PDE12: variants seen among roughly 807,000 people sequenced by gnomAD.
The protein encoded by PDE12 is phosphodiesterase 12.
Under a neutral mutation model 45.4 loss-of-function variants are expected in PDE12, and 26 were observed. That is an observed-to-expected ratio of 0.57 (90% CI 0.42 to 0.79). The LOEUF (loss-of-function observed/expected upper bound fraction) is 0.79. Among genes scored for constraint, PDE12 ranks in the 30% least tolerant of loss-of-function variants. PDE12 has a pLI of 0.00. For synonymous variants in PDE12, 283 were observed against 323.9 expected (o/e 0.87, Z 1.36); for missense variants, 668 against 790.0 (o/e 0.85, Z 1.85).
chr3:57,589,105 A>C, the PDE12 span, among the ~76,000 whole-genome samples: 4 of 149,284 alleles, frequency 2.7e-5, 1 homozygote, highest in South Asian at 8.4e-4. Flanking sequence ...TCCGTCTCAA[A>C]AAAAAAAAAA....
At chr3:57,624,601 TA>T in the PDE12 span, among the ~76,000 whole-genome samples, 4 of 151,526 alleles carry the variant, frequency 2.6e-5, no homozygotes, top group Admixed American at 1.3e-4. Flanking sequence ...CCGTCTCTAC[TA>T]AAAATACAAA....
the PDE12 span, among the ~76,000 whole-genome samples, chr3:57,612,960 G>A: frequency 6.6e-6 from 1 of 151,962 alleles, no homozygotes; most frequent in African/African-American, 2.4e-5. Flanking sequence ...AAGCAAGAAT[G>A]AACTATACGC....
the PDE12 span, among the ~76,000 whole-genome samples, chr3:57,642,515 G>A: frequency 6.6e-6 from 1 of 152,062 alleles, no homozygotes; most frequent in Admixed American, 6.6e-5. Context: ...ATTATGGCCT[G>A]TCTGTAGAAC....
At chr3:57,599,567 T>C in the PDE12 span, among the ~76,000 whole-genome samples, 1 of 152,238 alleles carries the variant, frequency 6.6e-6, no homozygotes, top group Non-Finnish European at 1.5e-5. Context: ...TCTGTTTAGT[T>C]ATGCAAAATA....
chr3:57,583,795 C>T, the PDE12 span: 7 of 809,564 alleles, frequency 8.6e-6, no homozygotes, highest in Admixed American at 1.9e-4. Flanking sequence ...CAAATGCCAA[C>T]TCATAGTAAA....
At chr3:57,597,390 G>T in the PDE12 span, 1 of 348,400 alleles carries the variant, frequency 2.9e-6, no homozygotes, top group Non-Finnish European at 5.3e-6. Flanking sequence ...GCTGTGCCAC[G>T]TCACGCGGCG....
rs2069731349 is a variant in PDE12, at chr3:57,561,751, T to G, written c.*1747T>G. 2.0e-6 allele frequency: 2 copies of G among 984,322 alleles called. No individual in the cohort carries two copies. Among genetic ancestry groups the G allele is most frequent in the East Asian group, 2.3e-4 (2 of 8,808 alleles). The allele number at this position is 984,322 out of a possible 1,614,324, so 61.0% of individuals were successfully genotyped here. On this transcript the variant is annotated 3_prime_UTR_variant, in exon 3 of 3. Transcript: ENST00000311180. ...CTCTGAACCTAGTATCATAAGAATT[T>G]CCTCTTTTGATAACATCTGTACTTT...
At chr3:57,602,361 C>A in the PDE12 span, among the ~76,000 whole-genome samples, 1 of 152,168 alleles carries the variant, frequency 6.6e-6, no homozygotes, top group African/African-American at 2.4e-5. Flanking sequence ...TTAAAGTTCA[C>A]ATTCTCTAAA....
chr3:57,596,460 G>A, the PDE12 span: 1 of 152,204 alleles, frequency 6.6e-6, no homozygotes, highest in Non-Finnish European at 1.5e-5. Flanking sequence ...TTAACAAGGA[G>A]CGAAAAACTT....
the PDE12 span, chr3:57,633,483 G>C: frequency 1.3e-6 from 1 of 753,580 alleles, no homozygotes. Flanking sequence ...ACTTCACCTT[G>C]AAGTAATTTA....
the PDE12 span, among the ~76,000 whole-genome samples, chr3:57,637,250 C>T: frequency 6.6e-6 from 1 of 151,690 alleles, no homozygotes; most frequent in Non-Finnish European, 1.5e-5. Flanking sequence ...TGCCATCATT[C>T]ATTCTGATTA....
the PDE12 span, chr3:57,584,563 T>C: frequency 3.0e-6 from 3 of 991,618 alleles, no homozygotes; most frequent in Non-Finnish European, 4.6e-6. Flanking sequence ...AGTTGACTGT[T>C]CAAGACAACT....
chr3:57,601,610 T>C, the PDE12 span, among the ~76,000 whole-genome samples: 25 of 152,174 alleles, frequency 1.6e-4, no homozygotes, highest in Admixed American at 1.0e-3. Context: ...CTGCAGATTT[T>C]GGTATCACGG....
chr3:57,562,612 C>T lies in PDE12; in HGVS notation c.*2608C>T, dbSNP rs2069739158. The T allele has an allele frequency of 1.3e-5, 2 of 152,176 alleles. No homozygotes were observed. The highest frequency in any genetic ancestry group is 4.1e-4 in the South Asian group (2 of 4,830). The allele number at this position is 152,176 out of a possible 1,614,324, so 9.4% of individuals were successfully genotyped here. A position where few individuals can be genotyped will look rare whatever the true frequency, so the allele number is the denominator to read the frequency against. On this transcript the variant is annotated 3_prime_UTR_variant, in exon 3 of 3. Transcript: ENST00000311180. The stretch of plus-strand genomic sequence containing the variant: ...TAAGAAAACATGGGAAATCTAGCGA[C>T]TTTCTATGGTAAACCACATTTTATA...
the PDE12 span, among the ~76,000 whole-genome samples, chr3:57,638,876 G>A: frequency 2.0e-5 from 3 of 152,108 alleles, no homozygotes; most frequent in South Asian, 2.1e-4. Context: ...GCCAAGGCAG[G>A]AGGACTGCTT....
At chr3:57,646,874 A>G in the PDE12 span, among the ~76,000 whole-genome samples, 7 of 152,230 alleles carry the variant, frequency 4.6e-5, no homozygotes, top group Admixed American at 4.6e-4. Flanking sequence ...CTGACATTAA[A>G]GAATGATGAC....
the PDE12 span, among the ~76,000 whole-genome samples, chr3:57,611,144 A>G: frequency 1.3e-5 from 2 of 152,320 alleles, no homozygotes; most frequent in East Asian, 1.9e-4. Context: ...AGGATTCCCT[A>G]TTTAATAAAT....
At chr3:57,632,303 C>A in the PDE12 span, among the ~76,000 whole-genome samples, 1 of 151,628 alleles carries the variant, frequency 6.6e-6, no homozygotes, top group African/African-American at 2.4e-5. Flanking sequence ...GGATTACAGA[C>A]GTGAGCCACC....
At chr3:57,648,099 A>G in the PDE12 span, among the ~76,000 whole-genome samples, 1 of 152,182 alleles carries the variant, frequency 6.6e-6, no homozygotes, top group Admixed American at 6.5e-5. Flanking sequence ...GACATCATAT[A>G]CCTAGAAAAC....
Sources: gnomAD v4.1 joint callset for allele counts (sites outside exome capture counted in the v4.1 genomes callset) on GRCh38, gnomAD v4.1.1 for gene constraint, MANE v1.5 for transcripts, NCBI Gene and HGNC (gene_info 2026-07-23, HGNC 2026-07-21) for gene names.